The following SERPINB12 variants were observed in gnomAD, a reference collection of about 807,000 sequenced individuals.
The protein encoded by SERPINB12 is serpin family B member 12, also known as serpin B12.
In SERPINB12, 57 loss-of-function variants were observed where a neutral mutation model predicts 41.1. The observed-to-expected ratio is 1.39, with a 90% CI of 1.12 to 1.73. SERPINB12 has a LOEUF of 1.73. SERPINB12 is among the 40% of genes most tolerant of loss of function. The pLI is 0.00. For synonymous variants in SERPINB12, 180 were observed against 181.3 expected (o/e 0.99, Z 0.06); for missense variants, 536 against 501.9 (o/e 1.07, Z -0.65).
the SERPINB12 span, among the ~76,000 whole-genome samples, chr18:63,527,576 A>G: frequency 6.6e-6 from 1 of 151,036 alleles, no homozygotes; most frequent in African/African-American, 2.5e-5. Flanking sequence ...GCTTTTTTAT[A>G]CTAGTTTTTA....
chr18:63,545,937 C>T (rs1050668289), intron 1 of SERPINB12, among the ~76,000 whole-genome samples: 3 of 152,018 alleles, frequency 2.0e-5, no homozygotes, highest in Non-Finnish European at 4.4e-5. Context: ...ACTAACAGCA[C>T]GTTTCTTTTC....
chr18:63,525,661 A>G, the SERPINB12 span, among the ~76,000 whole-genome samples: 1 of 152,172 alleles, frequency 6.6e-6, no homozygotes, highest in Non-Finnish European at 1.5e-5. Context: ...AAGTTTATTT[A>G]TAAATATTTA....
chr18:63,564,915 G>C (rs866011471), intron 6 of SERPINB12, among the ~76,000 whole-genome samples: 1 of 152,214 alleles, frequency 6.6e-6, no homozygotes, highest in African/African-American at 2.4e-5. Context: ...CATGGAAAGG[G>C]CCAGGTGAGG....
chr18:63,530,788 G>T, the SERPINB12 span, among the ~76,000 whole-genome samples: 28 of 152,214 alleles, frequency 1.8e-4, no homozygotes, highest in African/African-American at 6.5e-4. Context: ...CAGAAAGGTA[G>T]TAATTACAAC....
chr18:63,526,191 G>A, the SERPINB12 span, among the ~76,000 whole-genome samples: 1 of 152,084 alleles, frequency 6.6e-6, no homozygotes, highest in Admixed American at 6.6e-5. Context: ...ATTAACTAGA[G>A]CTCTTTCATG....
At chr18:63,564,813 G>T (rs897992050) in intron 6 of SERPINB12, among the ~76,000 whole-genome samples, 38 of 152,188 alleles carry the variant, frequency 2.5e-4, no homozygotes, top group Non-Finnish European at 8.8e-5. Context: ...GGGACAGCTG[G>T]CAGGGCGTGT....
the SERPINB12 span, among the ~76,000 whole-genome samples, chr18:63,528,091 G>A: frequency 6.6e-6 from 1 of 152,062 alleles, no homozygotes; most frequent in Non-Finnish European, 1.5e-5. Context: ...GGAATTTTAA[G>A]TCTATTAAAC....
At chr18:63,551,788 T>C (rs989708592) in intron 1 of SERPINB12, among the ~76,000 whole-genome samples, 1 of 152,254 alleles carries the variant, frequency 6.6e-6, no homozygotes, top group South Asian at 2.1e-4. Flanking sequence ...TTCTATTTCT[T>C]GCTAAAGTGG....
At position 63,566,975 on chromosome 18, in the gene SERPINB12, A is replaced by G. The variant is rs1039558649; in HGVS notation, c.1242A>G (p.Gln414=). The change falls in exon 8 of 8, where the codon CAA becomes CAG. Residue 414 remains glutamine, a synonymous_variant. Coordinates refer to ENST00000382768, the MANE Select transcript of SERPINB12 (RefSeq NM_001307928.2). ...TTTTCATTAGACACAACAAAACCCAAACCATTCTCTTTTATGGCAGGGTCT... is the reference window on the plus strand; with the variant it reads ...TTTTCATTAGACACAACAAAACCCAGACCATTCTCTTTTATGGCAGGGTCT... ...FLFFIRHNKT[Q]TILFYGRVCS... The G allele has an allele frequency of 3.1e-6, 5 of 1,608,662 alleles. No individual in the cohort carries two copies. The highest frequency in any genetic ancestry group is 4.2e-6 in the Non-Finnish European group (5 of 1,178,070).
At chr18:63,565,213 C>A (rs1911053011) in intron 6 of SERPINB12, among the ~76,000 whole-genome samples, 1 of 151,986 alleles carries the variant, frequency 6.6e-6, no homozygotes, top group African/African-American at 2.4e-5. Context: ...ACACCTGGCC[C>A]CCATCCCCGT....
At chr18:63,564,565 C>G (rs1032916562) in intron 6 of SERPINB12, among the ~76,000 whole-genome samples, 2 of 152,178 alleles carry the variant, frequency 1.3e-5, no homozygotes, top group Admixed American at 6.5e-5. Context: ...ATTTTTCTCT[C>G]AAGCACCAAA....
In SERPINB12 at chr18:63,559,572, C is replaced by T. The variant is rs1223907908; in HGVS notation, c.304-6C>T. On this transcript the variant is annotated splice_polypyrimidine_tract_variant and splice_region_variant and intron_variant, in intron 3 of 7. Transcript: ENST00000382768. The stretch of plus-strand genomic sequence containing the variant: ...GAAGGTCACATTTTGTTTCTTCTTT[C>T]CTTAGGCTGGGTCCTTAAACAATGA... The T allele has an allele frequency of 1.2e-6, 2 of 1,613,610 alleles. No homozygotes were observed. The highest frequency in any genetic ancestry group is 2.2e-5 in the East Asian group (1 of 44,894).
At chr18:63,561,339 A>T in intron 5 of SERPINB12, 137 bp downstream of exon 5, 1 of 609,186 alleles carries the variant, frequency 1.6e-6, no homozygotes, top group Non-Finnish European at 3.0e-6. Context: ...CATGGTTTGC[A>T]GAATGAGATA....
At chr18:63,529,934 A>G in the SERPINB12 span, among the ~76,000 whole-genome samples, 1 of 152,104 alleles carries the variant, frequency 6.6e-6, no homozygotes, top group African/African-American at 2.4e-5. Context: ...CCTTCCCATG[A>G]CAATTAAAAA....
upstream of SERPINB12, among the ~76,000 whole-genome samples, chr18:63,540,744 T>A (rs185575348): frequency 1.4e-4 from 22 of 152,326 alleles, no homozygotes; most frequent in South Asian, 1.9e-3. Context: ...CAGATATTTT[T>A]AATAAAACTT....
At chr18:63,535,710 A>ATTTCAGTAC in the SERPINB12 span, among the ~76,000 whole-genome samples, 1 of 152,198 alleles carries the variant, frequency 6.6e-6, no homozygotes, top group South Asian at 2.1e-4. Flanking sequence ...ACATTTCCAG[A>ATTTCAGTAC]TTTCAGTACT....
chr18:63,545,208 G>T (rs1363857342), intron 1 of SERPINB12, among the ~76,000 whole-genome samples: 1 of 151,518 alleles, frequency 6.6e-6, no homozygotes, highest in African/African-American at 2.4e-5. Context: ...TGTTGACATA[G>T]AACTATTTTT....
chr18:63,530,216 G>C, the SERPINB12 span, among the ~76,000 whole-genome samples: 1 of 152,170 alleles, frequency 6.6e-6, no homozygotes, highest in Non-Finnish European at 1.5e-5. Flanking sequence ...TAAGGCTGAA[G>C]CCAGTATTGC....
chr18:63,557,821 C>G (rs1910728300), intron 2 of SERPINB12, among the ~76,000 whole-genome samples: 1 of 152,188 alleles, frequency 6.6e-6, no homozygotes, highest in Admixed American at 6.5e-5. Context: ...TAGATCAGCA[C>G]TGTCTGACAC....
Sources: allele counts gnomAD v4.1 joint callset (sites outside exome capture counted in the v4.1 genomes callset), GRCh38; gene constraint gnomAD v4.1.1; transcripts MANE v1.5; gene names NCBI Gene and HGNC (gene_info 2026-07-23, HGNC 2026-07-21).